The following IGSF10 variants were observed in gnomAD, a reference collection of about 807,000 sequenced individuals.
The protein encoded by IGSF10 is calvaria mechanical force protein 608.
Under a neutral mutation model 128.2 loss-of-function variants are expected in IGSF10, and 126 were observed. That is an observed-to-expected ratio of 0.98 (90% confidence interval 0.85 to 1.14). The LOEUF is 1.14. IGSF10 is among the 50% of genes most tolerant of loss of function. The pLI is 0.00. For synonymous variants in IGSF10, 1,185 were observed against 1,146.2 expected, an observed-to-expected ratio of 1.03 and a Z score of -0.68; for missense variants, 3,295 against 3,149.8, an observed-to-expected ratio of 1.05 and a Z score of -1.10.
the IGSF10 span, among the ~76,000 whole-genome samples, chr3:151,472,719 C>T: frequency 6.6e-6 from 1 of 152,152 alleles, no homozygotes; most frequent in African/African-American, 2.4e-5. Flanking sequence ...TACTGCAAGG[C>T]TTTAATGCAT....
chr3:151,517,220 GTC>G, the IGSF10 span, among the ~76,000 whole-genome samples: 1 of 152,050 alleles, frequency 6.6e-6, no homozygotes, highest in African/African-American at 2.4e-5. Flanking sequence ...AAACAGGAGT[GTC>G]TCTGCAGCTG....
upstream of IGSF10, chr3:151,461,170 A>ACGAGC: frequency 1.0e-6 from 1 of 985,332 alleles, no homozygotes; most frequent in Non-Finnish European, 1.2e-6. Context: ...CTTTATGTTT[A>ACGAGC]CGAGCGTGTG....
the IGSF10 span, among the ~76,000 whole-genome samples, chr3:151,470,132 G>A: frequency 6.6e-6 from 1 of 152,108 alleles, no homozygotes; most frequent in Non-Finnish European, 1.5e-5. Flanking sequence ...ATTGCATCAA[G>A]ACTTAATGAC....
At chr3:151,595,118 T>C in the IGSF10 span, among the ~76,000 whole-genome samples, 2 of 152,160 alleles carry the variant, frequency 1.3e-5, no homozygotes, top group South Asian at 4.1e-4. Flanking sequence ...TGGATAACAA[T>C]TGTTGGCAAG....
chr3:151,446,130 G>A lies in IGSF10; in HGVS notation c.3851C>T (p.Pro1284Leu). The A allele has an allele frequency of 6.2e-7, 1 of 1,614,156 alleles. No homozygotes were observed. The highest frequency in any genetic ancestry group is 8.5e-7 in the Non-Finnish European group (1 of 1,180,032). Residue 1284 changes from proline to leucine, a missense_variant, in exon 6 of 8, where the codon CCA (proline) becomes CTA (leucine). Pro to Leu is a moderately conservative substitution (Grantham distance 98). Transcript: ENST00000282466. Reference protein sequence around the residue: ...TTKTHNPGSLPTKKELPFPPL... With the variant: ...TTKTHNPGSLLTKKELPFPPL... ...TGGGAAGGGAAGCTCCTTCTTTGTT[G>A]GAAGACTTCCAGGATTGTGTGTTTT...
chr3:151,569,455 T>A, the IGSF10 span, among the ~76,000 whole-genome samples: 1 of 152,264 alleles, frequency 6.6e-6, no homozygotes, highest in African/African-American at 2.4e-5. Flanking sequence ...GGAAATGTAG[T>A]TCCCAGGCTT....
At chr3:151,518,301 T>G in the IGSF10 span, among the ~76,000 whole-genome samples, 9 of 151,982 alleles carry the variant, frequency 5.9e-5, no homozygotes, top group Non-Finnish European at 8.8e-5. Flanking sequence ...TTCCATTTTT[T>G]GTTCCTCACT....
chr3:151,497,754 G>T, the IGSF10 span, among the ~76,000 whole-genome samples: 2 of 151,998 alleles, frequency 1.3e-5, no homozygotes, highest in Non-Finnish European at 2.9e-5. Flanking sequence ...TTGAATCTAT[G>T]AATTACTTTG....
At chr3:151,519,013 A>G in the IGSF10 span, among the ~76,000 whole-genome samples, 1 of 151,960 alleles carries the variant, frequency 6.6e-6, no homozygotes, top group Non-Finnish European at 1.5e-5. Flanking sequence ...CTTTACACTT[A>G]AAACTAGCAG....
chr3:151,586,664 A>G, the IGSF10 span, among the ~76,000 whole-genome samples: 1 of 152,172 alleles, frequency 6.6e-6, no homozygotes, highest in Non-Finnish European at 1.5e-5. Flanking sequence ...TGACTTTTGT[A>G]ACTGCTCCGG....
chr3:151,476,764 A>T, the IGSF10 span, among the ~76,000 whole-genome samples: 1 of 152,184 alleles, frequency 6.6e-6, no homozygotes, highest in African/African-American at 2.4e-5. Flanking sequence ...TGAATGTGCT[A>T]TGTTTAGAGA....
At chr3:151,617,354 C>CCTT in the IGSF10 span, among the ~76,000 whole-genome samples, 1 of 146,510 alleles carries the variant, frequency 6.8e-6, no homozygotes, top group Non-Finnish European at 1.5e-5. Context: ...TCCTCCTCCT[C>CCTT]CTCCTTCTCC....
the IGSF10 span, among the ~76,000 whole-genome samples, chr3:151,480,912 G>A: frequency 4.6e-5 from 7 of 152,204 alleles, no homozygotes; most frequent in East Asian, 3.9e-4. Context: ...CAGCACACTG[G>A]AGAAATGTGT....
the IGSF10 span, among the ~76,000 whole-genome samples, chr3:151,618,149 C>A: frequency 6.6e-6 from 1 of 152,022 alleles, no homozygotes; most frequent in Admixed American, 6.5e-5. Context: ...TAAGAAGAGA[C>A]ACAAGAGAGA....
Position 151,447,748 on chromosome 3 carries a change from G to A in IGSF10, c.2233C>T (p.Pro745Ser), listed in dbSNP as rs779928369. 3.7e-6 allele frequency: 6 copies of A among 1,614,102 alleles called. No individual in the cohort carries two copies. The South Asian group carries it at 4.4e-5, about 12-fold the overall frequency. Reference protein sequence around the residue: ...RRFRENRRHFPPSARRIDPQH... With the variant: ...RRFRENRRHFSPSARRIDPQH... The stretch of plus-strand genomic sequence containing the variant: ...GGGTCAATTCTCCTAGCAGAGGGAG[G>A]GAAATGCCTCCTATTCTCCCTAAAA... The change falls in exon 6 of 8, where the codon CCT becomes TCT. Residue 745 changes from proline to serine, a missense_variant. Pro to Ser is a moderately conservative substitution (Grantham distance 74, BLOSUM62 -1). Coordinates refer to ENST00000282466, the MANE Select transcript of IGSF10 (RefSeq NM_178822.5).
chr3:151,435,566 C>CACAAA (rs1412103700), downstream of IGSF10: 2 of 152,078 alleles, frequency 1.3e-5, no homozygotes, highest in African/African-American at 4.8e-5. Flanking sequence ...CGGTTTTGTG[C>CACAAA]ACTGAGATAT....
At chr3:151,570,174 G>A in the IGSF10 span, among the ~76,000 whole-genome samples, 1,118 of 152,264 alleles carry the variant, frequency 7.3e-3, 19 homozygotes, top group African/African-American at 0.026. Context: ...TTGCTATTGT[G>A]AATAGTGCCG....
Position 151,443,005 on chromosome 3 carries a change from G to C in IGSF10, c.5942C>G (p.Ala1981Gly). 1 of 1,614,052 alleles carries C rather than the reference G, an allele frequency of 6.2e-7. No individual in the cohort carries two copies. Residue 1981 changes from alanine (A) to glycine (G), a missense_variant, in exon 7 of 8, where the codon GCT becomes GGT. Physicochemically the swap from Ala to Gly is moderately conservative, Grantham distance 60 (BLOSUM62 0). Coordinates refer to ENST00000282466, the MANE Select transcript of IGSF10 (RefSeq NM_178822.5). ...TTACCTATGCTGCTGGTCGACCACA[G>C]CCTTGGATGGTAACCTCCACATTAT... ...PQIMWRLPSK[A>G]VVDQQHRVGS...
the IGSF10 span, among the ~76,000 whole-genome samples, chr3:151,504,459 G>T: frequency 6.6e-6 from 1 of 152,244 alleles, no homozygotes; most frequent in Admixed American, 6.5e-5. Context: ...AAAATATCTT[G>T]ATCCTTTTTG....
Sources: allele counts gnomAD v4.1 joint callset (sites outside exome capture counted in the v4.1 genomes callset), GRCh38; gene constraint gnomAD v4.1.1; transcripts MANE v1.5; gene names NCBI Gene and HGNC (gene_info 2026-07-23, HGNC 2026-07-21).